The following IGF2BP1 variants were observed in gnomAD, a reference collection of about 807,000 sequenced individuals.
IGF2BP1 encodes the protein insulin like growth factor 2 mRNA binding protein 1.
In IGF2BP1, 11 loss-of-function variants were observed where a neutral mutation model predicts 74.9. The ratio of observed to expected loss-of-function variants is 0.15; its 90% CI spans 0.09 to 0.24. The LOEUF (loss-of-function observed/expected upper bound fraction) is 0.24. IGF2BP1 is among the 10% of genes least tolerant of loss of function. The pLI is 1.00. For missense variants in IGF2BP1, 440 were observed against 757.4 expected (o/e 0.58, Z 4.92); for synonymous variants, 287 against 281.8 (o/e 1.02, Z -0.18).
chr17:49,046,467 C>G (rs1054633802), intron 14 of IGF2BP1, 94 bp downstream of exon 14: 28 of 934,352 alleles, frequency 3.0e-5, no homozygotes, highest in Non-Finnish European at 4.0e-5. Flanking sequence ...ATGACGTTGA[C>G]AAGTCCTGGG....
At chr17:49,040,640 C>G (rs2042041391) in intron 7 of IGF2BP1, among the ~76,000 whole-genome samples, 2 of 152,210 alleles carry the variant, frequency 1.3e-5, no homozygotes, top group Admixed American at 1.3e-4. Context: ...TGCGTGTATG[C>G]ACATGTGTTT....
intron 4 of IGF2BP1, among the ~76,000 whole-genome samples, chr17:49,030,027 T>G (rs1389811333): frequency 6.6e-6 from 1 of 152,118 alleles, no homozygotes; most frequent in Non-Finnish European, 1.5e-5. Context: ...ACTAGCATCC[T>G]GAGGCTACAA....
In IGF2BP1 at chr17:49,046,149, G is replaced by A. The variant is rs570817767; in HGVS notation, c.1528-111G>A. 2.1e-6 allele frequency: 3 copies of A among 1,448,320 alleles called. No homozygotes were observed. The Admixed American group carries it at 5.3e-5, about 25-fold the overall frequency. 89.7% of individuals were successfully genotyped at this position (1,448,320 alleles called of 1,614,324 possible). ...TCATTTACTTGATTCTACTCCCCAA[G>A]CTCAGGTCCTGACTCTTCCAGGTTC... On this transcript the variant is annotated intron_variant, in intron 13 of 14. Coordinates refer to ENST00000290341, the MANE Select transcript of IGF2BP1 (RefSeq NM_006546.4).
chr17:49,025,880 A>T (rs1003966589), intron 3 of IGF2BP1, among the ~76,000 whole-genome samples: 11 of 87,852 alleles, frequency 1.3e-4, no homozygotes, highest in Admixed American at 1.2e-4. Context: ...TTTGAGATGG[A>T]GTTTTGCTCT....
rs959428243 is a variant in IGF2BP1 at position 49,049,864 on chromosome 17, C to A, written c.*420C>A. The A allele has an allele frequency of 1.3e-5, 2 of 154,004 alleles. No homozygotes were observed. Among genetic ancestry groups the A allele is most frequent in the African/African-American group, 2.4e-5 (1 of 41,494 alleles). The allele number at this position is 154,004 out of a possible 1,614,324, so 9.5% of individuals were successfully genotyped here. A position where few individuals can be genotyped will look rare whatever the true frequency, so the allele number is the denominator to read the frequency against. ...ACCTTAATGTTTTTCCAATCTTCTT[C>A]CCCCTACTTGGGTAATTGATTAAAA... On this transcript the variant is annotated 3_prime_UTR_variant, in exon 15 of 15. Transcript: ENST00000290341.
At position 49,046,405 on chromosome 17, in the gene IGF2BP1, C is replaced by T. The variant is rs755044084; in HGVS notation, c.1641+32C>T. On this transcript the variant is annotated intron_variant, in intron 14 of 14. Coordinates refer to ENST00000290341, the MANE Select transcript of IGF2BP1 (RefSeq NM_006546.4). Reference sequence around the variant, plus strand: ...ATGGTGCTCCCCCATTGAGGGAGGGCTGCAGGAGCCCAGGGAGCAGAGAAG... The same window carrying T: ...ATGGTGCTCCCCCATTGAGGGAGGGTTGCAGGAGCCCAGGGAGCAGAGAAG... The T allele has an allele frequency of 2.0e-6, 3 of 1,508,154 alleles. No individual in the cohort carries two copies. The African/African-American group carries it at 4.1e-5, about 21-fold the overall frequency. 93.4% of individuals were successfully genotyped at this position (1,508,154 alleles called of 1,614,324 possible).
chr17:49,015,530 G>A (rs1235506512), intron 2 of IGF2BP1, among the ~76,000 whole-genome samples: 2 of 152,228 alleles, frequency 1.3e-5, no homozygotes, highest in East Asian at 3.9e-4. Flanking sequence ...GCAGGAGGGA[G>A]GCTCAGTTGC....
At chr17:49,001,189 T>C (rs2041484382) in intron 2 of IGF2BP1, among the ~76,000 whole-genome samples, 1 of 152,208 alleles carries the variant, frequency 6.6e-6, no homozygotes, top group African/African-American at 2.4e-5. Context: ...AGGAAGTATG[T>C]TGTGGTATGT....
At chr17:49,021,786 G>T (rs1237621731) in intron 2 of IGF2BP1, among the ~76,000 whole-genome samples, 2 of 152,302 alleles carry the variant, frequency 1.3e-5, no homozygotes, top group East Asian at 1.9e-4. Context: ...CATATAGAAG[G>T]TGCCCAGAAG....
intron 2 of IGF2BP1, among the ~76,000 whole-genome samples, chr17:49,016,940 C>A (rs1345768872): frequency 2.0e-5 from 3 of 151,296 alleles, no homozygotes; most frequent in Non-Finnish European, 2.9e-5. Context: ...TCAGCTACTG[C>A]CATCCTGAAG....
chr17:49,016,951 C>T (rs2041712853), intron 2 of IGF2BP1, among the ~76,000 whole-genome samples: 1 of 151,222 alleles, frequency 6.6e-6, no homozygotes, highest in Admixed American at 6.6e-5. Flanking sequence ...CATCCTGAAG[C>T]GTGCCAGGTC....
intron 5 of IGF2BP1, among the ~76,000 whole-genome samples, chr17:49,034,132 T>C (rs1262655814): frequency 6.9e-6 from 1 of 145,330 alleles, no homozygotes; most frequent in African/African-American, 2.6e-5. Context: ...TTTTTTTTTT[T>C]TTTGAGATGG....
At chr17:49,028,958 T>TACC (rs1237898535) in intron 4 of IGF2BP1, among the ~76,000 whole-genome samples, 16 of 152,100 alleles carry the variant, frequency 1.1e-4, no homozygotes, top group Admixed American at 1.0e-3. Context: ...AGGCACCCAC[T>TACC]ACCATGCCCA....
At position 49,045,872 on chromosome 17, in the gene IGF2BP1, A is replaced by G. The variant is rs758966453; in HGVS notation, c.1396-18A>G. On this transcript the variant is annotated intron_variant, in intron 12 of 14. Coordinates refer to ENST00000290341, the MANE Select transcript of IGF2BP1 (RefSeq NM_006546.4). ...CAGATATATGAACCACTGATTAACAATTACCTCCTCTTCTCAGGCTCAGGG... is the reference window on the plus strand; with the variant it reads ...CAGATATATGAACCACTGATTAACAGTTACCTCCTCTTCTCAGGCTCAGGG... The G allele has an allele frequency of 3.7e-6, 6 of 1,611,942 alleles. No homozygotes were observed. The African/African-American group carries it at 4.0e-5, about 11-fold the overall frequency.
chr17:49,040,414 G>T lies in IGF2BP1; in HGVS notation c.818+323G>T, dbSNP rs193065253. 7.2e-5 allele frequency among the ~76,000 whole-genome samples: 11 copies of T among 152,148 alleles called. No individual in the cohort carries two copies. In the East Asian group the frequency reaches 2.1e-3, roughly 29 times the overall value. On this transcript the variant is annotated intron_variant, in intron 7 of 14. Coordinates refer to ENST00000290341, the MANE Select transcript of IGF2BP1 (RefSeq NM_006546.4). ...GTGATTTTTGTAGAGATGGGGTGTC[G>T]CCATGTTACCCAGGCTGGTCTTGAA... is the stretch of plus-strand genomic sequence containing the variant.
At chr17:49,008,855 T>C (rs551771023) in intron 2 of IGF2BP1, among the ~76,000 whole-genome samples, 1 of 152,188 alleles carries the variant, frequency 6.6e-6, no homozygotes. Context: ...CTGCAAAGAT[T>C]GGTACTTCTG....
At chr17:49,014,251 C>T (rs1402368555) in intron 2 of IGF2BP1, among the ~76,000 whole-genome samples, 1 of 142,322 alleles carries the variant, frequency 7.0e-6, no homozygotes, top group Non-Finnish European at 1.6e-5. Context: ...CCTCAGTCCC[C>T]GTCCCCATCT....
rs1159413470 is a variant in IGF2BP1 at position 48,998,014 on chromosome 17, T to C, written c.175+94T>C. 2.8e-6 allele frequency: 4 copies of C among 1,418,140 alleles called. No homozygotes were observed. In the African/African-American group the frequency reaches 5.7e-5, roughly 20 times the overall value. 87.8% of individuals were successfully genotyped at this position (1,418,140 alleles called of 1,614,324 possible). On this transcript the variant is annotated intron_variant, in intron 1 of 14. Transcript: ENST00000290341. The stretch of plus-strand genomic sequence containing the variant: ...GGTTCCTCTCCCGCCAACTCCTCTC[T>C]TCCCGGGCCTGCGGGGTTTGGCCTC...
At chr17:49,042,914 G>C (rs2042068274) in intron 9 of IGF2BP1, among the ~76,000 whole-genome samples, 1 of 152,082 alleles carries the variant, frequency 6.6e-6, no homozygotes, top group Non-Finnish European at 1.5e-5. Flanking sequence ...GAACTCCTGG[G>C]CTCAAGCGAT....
Sources: gnomAD v4.1 joint callset for allele counts (sites outside exome capture counted in the v4.1 genomes callset) on GRCh38, gnomAD v4.1.1 for gene constraint, MANE v1.5 for transcripts, NCBI Gene and HGNC (gene_info 2026-07-23, HGNC 2026-07-21) for gene names.